Variants in CSMD2 observed in about 807,000 individuals in gnomAD.
The protein encoded by CSMD2 is CUB and Sushi multiple domains 2, also known as CUB and sushi domain-containing protein 2.
Under a neutral mutation model 398.5 loss-of-function variants are expected in CSMD2, and 130 were observed. The observed-to-expected ratio is 0.33, with a 90% CI of 0.28 to 0.38. The LOEUF is 0.38. Ranked by LOEUF, CSMD2 falls within the 10% of genes least tolerant of loss-of-function variation. CSMD2 has a pLI of 1.00. For missense variants in CSMD2, 3,829 were observed against 4,764.9 expected (o/e 0.80, Z 5.78); for synonymous variants, 1,828 against 1,908.5 (o/e 0.96, Z 1.10).
At chr1:33,890,578 G>A (rs184201568) in intron 5 of CSMD2, among the ~76,000 whole-genome samples, 52 of 151,684 alleles carry the variant, frequency 3.4e-4, no homozygotes, top group African/African-American at 1.1e-3. Context: ...TTTTCAGCCC[G>A]CATCGCCAAG....
At chr1:34,036,997 T>C (rs562472039) in intron 2 of CSMD2, among the ~76,000 whole-genome samples, 7 of 152,290 alleles carry the variant, frequency 4.6e-5, no homozygotes, top group African/African-American at 1.7e-4. Flanking sequence ...CCTTTCCCTA[T>C]GGTACATATG....
chr1:33,864,561 G>T (rs1181581662), intron 5 of CSMD2: 2 of 1,614,058 alleles, frequency 1.2e-6, no homozygotes, highest in Admixed American at 3.3e-5. Flanking sequence ...GGTGCAGGTG[G>T]CCAAGGCCAC....
intron 25 of CSMD2, among the ~76,000 whole-genome samples, chr1:33,680,918 C>CTTTTTTTGTT (rs1644888298): frequency 1.3e-5 from 1 of 75,928 alleles, no homozygotes; most frequent in African/African-American, 5.4e-5. Context: ...CTGTTTTATG[C>CTTTTTTTGTT]TTTTTTTTTT....
chr1:33,823,067 C>G (rs1483780425), intron 7 of CSMD2, among the ~76,000 whole-genome samples: 1 of 152,200 alleles, frequency 6.6e-6, no homozygotes, highest in Non-Finnish European at 1.5e-5. Context: ...GAACAGAAGT[C>G]TGCCCCATCA....
At chr1:33,544,690 A>C (rs1656703422) in intron 57 of CSMD2, among the ~76,000 whole-genome samples, 1 of 152,078 alleles carries the variant, frequency 6.6e-6, no homozygotes, top group African/African-American at 2.4e-5. Flanking sequence ...GATGAAGAGA[A>C]GTGGGTTAAA....
intron 26 of CSMD2, among the ~76,000 whole-genome samples, chr1:33,659,160 A>G (rs1314955736): frequency 3.3e-5 from 5 of 152,256 alleles, no homozygotes; most frequent in African/African-American, 1.2e-4. Context: ...CGTGTCTATT[A>G]CCTAACCTAG....
At chr1:33,675,148 CA>C (rs1292980922) in intron 25 of CSMD2, among the ~76,000 whole-genome samples, 2 of 151,978 alleles carry the variant, frequency 1.3e-5, no homozygotes, top group Non-Finnish European at 2.9e-5. Context: ...AAAAACCCTT[CA>C]AAAAATCAAT....
chr1:33,778,270 A>T (rs945841126), intron 12 of CSMD2, among the ~76,000 whole-genome samples: 34 of 152,012 alleles, frequency 2.2e-4, no homozygotes, highest in African/African-American at 8.2e-4. Flanking sequence ...ATCACAGCTT[A>T]CTGCAGCCTC....
At chr1:33,815,614 T>C (rs565166577) in intron 9 of CSMD2, among the ~76,000 whole-genome samples, 3 of 152,208 alleles carry the variant, frequency 2.0e-5, no homozygotes, top group Admixed American at 6.5e-5. Context: ...GGGTTTGAAA[T>C]TCAACTCAAC....
intron 5 of CSMD2, among the ~76,000 whole-genome samples, chr1:33,857,140 G>C (rs1224204109): frequency 6.6e-6 from 1 of 152,040 alleles, no homozygotes. Flanking sequence ...TAACTGACCT[G>C]CTTTAGGCCT....
intron 44 of CSMD2, chr1:33,599,588 C>T (rs1186836382): frequency 6.6e-6 from 1 of 152,222 alleles, no homozygotes; most frequent in Non-Finnish European, 1.5e-5. Context: ...AGGTTTGAAC[C>T]CGTCTGTGAC....
At chr1:33,549,385 C>G (rs1245302958) in intron 56 of CSMD2, among the ~76,000 whole-genome samples, 1 of 152,186 alleles carries the variant, frequency 6.6e-6, no homozygotes, top group East Asian at 1.9e-4. Flanking sequence ...TAGGGCCAGG[C>G]AGGTCCCCCT....
intron 2 of CSMD2, among the ~76,000 whole-genome samples, chr1:34,068,553 G>T (rs1371385080): frequency 6.6e-6 from 1 of 152,176 alleles, no homozygotes; most frequent in Non-Finnish European, 1.5e-5. Flanking sequence ...ATAATAAACA[G>T]ATAATTCTGT....
intron 6 of CSMD2, among the ~76,000 whole-genome samples, chr1:33,838,235 T>C (rs2125058280): frequency 6.6e-6 from 1 of 152,280 alleles, no homozygotes; most frequent in African/African-American, 2.4e-5. Flanking sequence ...CACTACTCCT[T>C]CTCCAAATCC....
chr1:33,757,695 C>T (rs1008162219), intron 13 of CSMD2, among the ~76,000 whole-genome samples: 2 of 152,216 alleles, frequency 1.3e-5, no homozygotes, highest in African/African-American at 4.8e-5. Context: ...AAATTGAACT[C>T]TTTATCTATT....
intron 3 of CSMD2, among the ~76,000 whole-genome samples, chr1:33,995,080 A>T (rs1370595887): frequency 6.6e-6 from 1 of 152,038 alleles, no homozygotes; most frequent in East Asian, 1.9e-4. Context: ...AGAAAAGAAA[A>T]AAAAAAAAAA....
chr1:33,626,238 A>G (rs1043297019), intron 33 of CSMD2, among the ~76,000 whole-genome samples: 1 of 152,232 alleles, frequency 6.6e-6, no homozygotes, highest in Non-Finnish European at 1.5e-5. Context: ...GGGAAGGGGA[A>G]AAAACTGGCT....
chr1:34,151,556 G>A (rs1214223899), intron 1 of CSMD2, among the ~76,000 whole-genome samples: 2 of 152,102 alleles, frequency 1.3e-5, no homozygotes, highest in Non-Finnish European at 2.9e-5. Context: ...GCAGGACTAG[G>A]GAAGGGGATG....
rs1426055981 is a variant in CSMD2 at position 33,792,522 on chromosome 1, A to G, written c.1451T>C (p.Ile484Thr). The G allele has an allele frequency of 6.2e-7, 1 of 1,611,614 alleles. No homozygotes were observed. The highest frequency in any genetic ancestry group is 8.5e-7 in the Non-Finnish European group (1 of 1,177,774). Reference sequence around the variant, plus strand: ...ATCAAACTCCTCAAAGGCGAGCTTGATCACCTAGGGAGGGAACACAGGGTT... The same window carrying G: ...ATCAAACTCCTCAAAGGCGAGCTTGGTCACCTAGGGAGGGAACACAGGGTT... ...IITALNPSKV[I>T]KLAFEEFDLE... Residue 484 changes from isoleucine (I) to threonine (T), a missense_variant, in exon 11 of 71, where the codon ATC becomes ACC. Ile to Thr is a moderately conservative substitution (Grantham distance 89). Transcript: ENST00000373381.
Sources: gnomAD v4.1 joint callset for allele counts (sites outside exome capture counted in the v4.1 genomes callset) on GRCh38, gnomAD v4.1.1 for gene constraint, MANE v1.5 for transcripts, NCBI Gene and HGNC (gene_info 2026-07-23, HGNC 2026-07-21) for gene names.